RUBCNL: variants seen among roughly 807,000 people sequenced by gnomAD.
RUBCNL encodes rubicon like autophagy enhancer, also known as protein associated with UVRAG as autophagy enhancer.
A neutral mutation model predicts 69.5 loss-of-function variants in RUBCNL; 62 were observed. That is an observed-to-expected ratio of 0.89 (90% CI 0.73 to 1.10). The LOEUF is 1.10. RUBCNL is among the 50% of genes least tolerant of loss of function. The pLI is 0.00. For synonymous variants in RUBCNL, 291 were observed against 303.6 expected (o/e 0.96, Z 0.43); for missense variants, 768 against 798.1 (o/e 0.96, Z 0.45).
In RUBCNL at chr13:46,382,563, G is replaced by A. The variant is rs114691930; in HGVS notation, c.-238-4558C>T. 5.5e-3 allele frequency among the ~76,000 whole-genome samples: 831 copies of A among 152,080 alleles called. 6 individuals are homozygous for A. The highest frequency in any genetic ancestry group is 0.019 in the African/African-American group (806 of 41,476). Reference sequence around the variant, plus strand: ...ATCTTCTTTTTTGAGACAAAGTTTCGCTCTTGTCACCGAGGCTGGAGTGCA... The same window carrying A: ...ATCTTCTTTTTTGAGACAAAGTTTCACTCTTGTCACCGAGGCTGGAGTGCA... On this transcript the variant is annotated intron_variant, in intron 1 of 14. Transcript: ENST00000429979.
At chr13:46,359,041 G>A (rs2048552677) in intron 9 of RUBCNL, among the ~76,000 whole-genome samples, 1 of 152,080 alleles carries the variant, frequency 6.6e-6, no homozygotes, top group African/African-American at 2.4e-5. Flanking sequence ...CACTTTGGGA[G>A]GCTGAGGTGG....
intron 6 of RUBCNL, 63 bp from the exon 7 acceptor site, chr13:46,362,661 AT>A: frequency 8.7e-7 from 1 of 1,151,114 alleles, no homozygotes; most frequent in Non-Finnish European, 1.3e-6. Context: ...ATCGCAGTCC[AT>A]TTTATAAGAA....
At chr13:46,357,176 A>G (rs1201603028) in intron 9 of RUBCNL, among the ~76,000 whole-genome samples, 5 of 151,576 alleles carry the variant, frequency 3.3e-5, no homozygotes, top group African/African-American at 1.2e-4. Context: ...TACTAAAAAT[A>G]CAAAAAATTA....
chr13:46,354,908 TAC>T (rs1338628310), intron 10 of RUBCNL: 4 of 454,764 alleles, frequency 8.8e-6, no homozygotes, highest in Admixed American at 2.4e-5. Context: ...GTCATATGTG[TAC>T]AGTTTCTGAC....
chr13:46,340,417 GC>G lies in RUBCNL; in HGVS notation c.*2967del, dbSNP rs2048133316. ...TGTCTAGACCTCATTATTACCATTT[GC>G]CCTTGCTTGTACCAGGCCTTTTAGT... On this transcript the variant is annotated 3_prime_UTR_variant, in exon 15 of 15. Coordinates refer to ENST00000429979, the MANE Select transcript of RUBCNL (RefSeq NM_025113.5). Among the ~76,000 whole-genome samples the G allele has an allele frequency of 6.6e-6, 1 of 152,104 alleles. No individual in the cohort carries two copies. The highest frequency in any genetic ancestry group is 2.4e-5 in the African/African-American group (1 of 41,390).
rs369436870 is a variant in RUBCNL at position 46,361,445 on chromosome 13, G to A, written c.1115C>T (p.Ser372Leu). 8.1e-6 allele frequency: 13 copies of A among 1,612,976 alleles called. No individual in the cohort carries two copies. Among genetic ancestry groups the A allele is most frequent in the East Asian group, 6.7e-5 (3 of 44,892 alleles). ...TCAATTTTTTTTGATACTTACTATC[G>A]AGCCAGCTGCACTCAGGGAACCTGC... The part of the protein sequence containing the change: ...QLAGSLSAAG[S>L]IVVNEECVRK... The change falls in exon 8 of 15, where the codon TCG becomes TTG. Residue 372 changes from serine to leucine, a missense_variant. Coordinates refer to ENST00000429979, the MANE Select transcript of RUBCNL (RefSeq NM_025113.5).
At position 46,348,360 on chromosome 13, in the gene RUBCNL, G is replaced by A. The variant is rs948270241; in HGVS notation, c.1631+926C>T. 3.9e-5 allele frequency among the ~76,000 whole-genome samples: 6 copies of A among 152,108 alleles called. No individual in the cohort carries two copies. In the East Asian group the frequency reaches 1.2e-3, roughly 29 times the overall value. On this transcript the variant is annotated intron_variant, in intron 12 of 14. Coordinates refer to ENST00000429979, the MANE Select transcript of RUBCNL (RefSeq NM_025113.5). ...TTATATGTATTTACCACAATTTAAT[G>A]ATAACAATAATAATAATAAAAAGGT...
intron 6 of RUBCNL, 23 bp downstream of exon 6, chr13:46,363,092 T>C: frequency 1.3e-6 from 2 of 1,505,292 alleles, no homozygotes; most frequent in South Asian, 1.2e-5. Context: ...GCCAGTCACA[T>C]CCAAACAGTT....
rs1473249456 is a variant in RUBCNL at position 46,371,966 on chromosome 13, G to C, written c.510C>G (p.Ser170=). The change falls in exon 3 of 15, where the codon TCC becomes TCG. Residue 170 remains serine (S), a synonymous_variant. Coordinates refer to ENST00000429979, the MANE Select transcript of RUBCNL (RefSeq NM_025113.5). Reference sequence around the variant, plus strand: ...CTTCATCAGCAGCAGATGTCAGATGGGAAGGCTCAAAAAAAGCACTGTCAG... The same window carrying C: ...CTTCATCAGCAGCAGATGTCAGATGCGAAGGCTCAAAAAAAGCACTGTCAG... The part of the protein sequence containing the change: ...PETDSAFFEP[S]HLTSAADEGA... The C allele has an allele frequency of 6.2e-7, 1 of 1,613,978 alleles. No homozygotes were observed. The highest frequency in any genetic ancestry group is 2.2e-5 in the East Asian group (1 of 44,884).
chr13:46,365,837 T>G (rs990563398), intron 5 of RUBCNL, among the ~76,000 whole-genome samples: 1 of 152,074 alleles, frequency 6.6e-6, no homozygotes, highest in Non-Finnish European at 1.5e-5. Context: ...GGACAAAAAG[T>G]TGTGATCCAG....
chr13:46,344,447 A>T lies in RUBCNL; in HGVS notation c.1876+294T>A, dbSNP rs180733683. 8.5e-4 allele frequency among the ~76,000 whole-genome samples: 130 copies of T among 152,222 alleles called. No individual in the cohort carries two copies. In the Middle Eastern group the frequency reaches 0.034, roughly 40 times the overall value. The stretch of plus-strand genomic sequence containing the variant: ...ACCACTGGGCATGAATGATCCAATT[A>T]CAAGACAGAGAGGTGGGCACAGGCA... On this transcript the variant is annotated intron_variant, in intron 14 of 14. Transcript: ENST00000429979.
intron 3 of RUBCNL, among the ~76,000 whole-genome samples, chr13:46,371,729 C>T (rs1862102793): frequency 6.6e-6 from 1 of 152,234 alleles, no homozygotes; most frequent in African/African-American, 2.4e-5. Context: ...TTATCAACTA[C>T]ATTAAGCTAA....
rs958195562 is a variant in RUBCNL at position 46,377,907 on chromosome 13, C to T, written c.-140G>A. Reference sequence around the variant, plus strand: ...ACACTCACCAGGAGTATGAATTTCTCGAAGAGGCAGATTGACACAGAGGAG... The same window carrying T: ...ACACTCACCAGGAGTATGAATTTCTTGAAGAGGCAGATTGACACAGAGGAG... On this transcript the variant is annotated 5_prime_UTR_variant, in exon 2 of 15. Coordinates refer to ENST00000429979, the MANE Select transcript of RUBCNL (RefSeq NM_025113.5). 3.9e-5 allele frequency: 63 copies of T among 1,607,698 alleles called. No homozygotes were observed. Among genetic ancestry groups the T allele is most frequent in the Non-Finnish European group, 4.8e-5 (56 of 1,176,844 alleles).
chr13:46,336,712 G>A lies in RUBCNL; in HGVS notation c.*6673C>T, dbSNP rs1453914035. On this transcript the variant is annotated 3_prime_UTR_variant, in exon 15 of 15. Coordinates refer to ENST00000429979, the MANE Select transcript of RUBCNL (RefSeq NM_025113.5). ...CCTTGACGGTTTGGGTAGAATGGTT[G>A]AGATGGAAATGCTATTGTTGTAGGT... is the stretch of plus-strand genomic sequence containing the variant. Among the ~76,000 whole-genome samples, 1 of 152,114 alleles carries A rather than the reference G, an allele frequency of 6.6e-6. No individual in the cohort carries two copies. The highest frequency in any genetic ancestry group is 1.5e-5 in the Non-Finnish European group (1 of 68,038).
intron 1 of RUBCNL, among the ~76,000 whole-genome samples, chr13:46,380,786 G>A (rs773669565): frequency 5.3e-5 from 8 of 152,184 alleles, no homozygotes; most frequent in Non-Finnish European, 1.2e-4. Flanking sequence ...ATAGAATTTT[G>A]TTCTTTCTTT....
chr13:46,355,291 G>A (rs1229878975), intron 10 of RUBCNL, among the ~76,000 whole-genome samples: 6 of 142,456 alleles, frequency 4.2e-5, no homozygotes, highest in Admixed American at 3.6e-4. Flanking sequence ...AGGAAAGCCC[G>A]AGCTTTTTTT....
chr13:46,349,444 G>A, intron 11 of RUBCNL, 97 bp from the exon 12 acceptor site: 1 of 1,178,604 alleles, frequency 8.5e-7, no homozygotes, highest in Non-Finnish European at 1.2e-6. Context: ...AGCTTGAAAT[G>A]CTGCACTTGT....
At chr13:46,349,262 G>A in intron 12 of RUBCNL, 24 bp downstream of exon 12, 1 of 1,608,840 alleles carries the variant, frequency 6.2e-7, no homozygotes, top group Non-Finnish European at 8.5e-7. Flanking sequence ...AGGGAAGGCA[G>A]CCTGTCCCAG....
At chr13:46,381,156 T>C (rs1329233009) in intron 1 of RUBCNL, among the ~76,000 whole-genome samples, 1 of 152,120 alleles carries the variant, frequency 6.6e-6, no homozygotes, top group Non-Finnish European at 1.5e-5. Flanking sequence ...ACACAAAAAC[T>C]TGTGCCCGAA....
Sources: gnomAD v4.1 joint callset for allele counts (sites outside exome capture counted in the v4.1 genomes callset) on GRCh38, gnomAD v4.1.1 for gene constraint, MANE v1.5 for transcripts, NCBI Gene and HGNC (gene_info 2026-07-23, HGNC 2026-07-21) for gene names.